The following PIAS4 variants were observed in gnomAD, a reference collection of about 807,000 sequenced individuals.
PIAS4 encodes the protein E3 SUMO-protein ligase PIAS4.
In PIAS4, 7 loss-of-function variants were observed where a neutral mutation model predicts 58.0. The observed-to-expected ratio is 0.12, with a 90% CI of 0.07 to 0.23. The LOEUF (loss-of-function observed/expected upper bound fraction) is 0.23. Ranked by LOEUF, PIAS4 falls within the 10% of genes least tolerant of loss-of-function variation. The pLI, the probability that PIAS4 is intolerant of heterozygous loss-of-function variation, is 1.00. For missense variants in PIAS4, 550 were observed against 709.5 expected (o/e 0.78, Z 2.55); for synonymous variants, 364 against 312.4 (o/e 1.17, Z -1.74).
Position 4,038,960 on chromosome 19 carries a change from C to T in PIAS4, c.*1085C>T, listed in dbSNP as rs1349567238. 6.6e-6 allele frequency: 1 copy of T among 152,474 alleles called. No individual in the cohort carries two copies. Among genetic ancestry groups the T allele is most frequent in the Non-Finnish European group, 1.5e-5 (1 of 68,240 alleles). 9.4% of individuals were successfully genotyped at this position (152,474 alleles called of 1,614,324 possible). A position where few individuals can be genotyped will look rare whatever the true frequency, so the allele number is the denominator to read the frequency against. On this transcript the variant is annotated 3_prime_UTR_variant, in exon 11 of 11. Coordinates refer to ENST00000262971, the MANE Select transcript of PIAS4 (RefSeq NM_015897.4). The surrounding 1 kb of genome is among the most constrained non-coding windows in gnomAD (Gnocchi z 4.1). ...GTCCCCAGGCGTTCCCGGCCCCTCG[C>T]AGGCCCCACCCATGCCCTTGGCCTC...
Position 4,038,280 on chromosome 19 carries a change from ACCCGGGCGGCGGGCGGTGGGGCGCAGC to A in PIAS4, c.*409_*435del, listed in dbSNP as rs2144951575. The A allele has an allele frequency of 6.5e-6, 1 of 153,856 alleles. No homozygotes were observed. The highest frequency in any genetic ancestry group is 2.0e-4 in the East Asian group (1 of 5,062). 9.5% of individuals were successfully genotyped at this position (153,856 alleles called of 1,614,324 possible). On this transcript the variant is annotated 3_prime_UTR_variant, in exon 11 of 11. Coordinates refer to ENST00000262971, the MANE Select transcript of PIAS4 (RefSeq NM_015897.4). The surrounding 1 kb of genome is among the most constrained non-coding windows in gnomAD (Gnocchi z 4.1). ...CGACCATTCCAGCCAGTGCGCGGGGACCCGGGCGGCGGGCGGTGGGGCGCAGCCCCTCTCTGGCGACCACTTTGACGT... is the reference window on the plus strand; with the variant it reads ...CGACCATTCCAGCCAGTGCGCGGGGACCCTCTCTGGCGACCACTTTGACGT...
At chr19:4,015,820 G>T (rs530013715) in intron 2 of PIAS4, among the ~76,000 whole-genome samples, 1 of 152,238 alleles carries the variant, frequency 6.6e-6, no homozygotes, top group South Asian at 2.1e-4. Flanking sequence ...CCCCGGAATA[G>T]CCGCCGGCCG....
At chr19:4,023,765 G>A (rs965290445) in intron 2 of PIAS4, among the ~76,000 whole-genome samples, 65 of 152,194 alleles carry the variant, frequency 4.3e-4, no homozygotes, top group African/African-American at 1.3e-3. Flanking sequence ...CTAAGTAGAC[G>A]CCTGCATCCC....
Position 4,033,275 on chromosome 19 carries a change from G to A in PIAS4, c.981+102G>A, listed in dbSNP as rs1053228203. ...CGGCTTGGCTGGGCCGTGAGCCTGC[G>A]GGGGCGAGGCTGGTCTTCGTCCCCT... On this transcript the variant is annotated intron_variant, in intron 8 of 10. Transcript: ENST00000262971. The A allele has an allele frequency of 5.0e-5, 69 of 1,372,190 alleles. No individual in the cohort carries two copies. In the Admixed American group the frequency reaches 7.1e-4, roughly 14 times the overall value. 85.0% of individuals were successfully genotyped at this position (1,372,190 alleles called of 1,614,324 possible).
intron 7 of PIAS4, among the ~76,000 whole-genome samples, chr19:4,029,756 G>C (rs1485577072): frequency 1.3e-5 from 2 of 149,290 alleles, no homozygotes; most frequent in African/African-American, 4.9e-5. Context: ...CCATCCTCCT[G>C]CCTCAGCCTC....
chr19:4,037,737 G>C lies in PIAS4; in HGVS notation c.1395G>C (p.Val465=). 1 of 1,611,068 alleles carries C rather than the reference G, an allele frequency of 6.2e-7. No homozygotes were observed. Among genetic ancestry groups the C allele is most frequent in the Non-Finnish European group, 8.5e-7 (1 of 1,179,206 alleles). ...SMENGKPGAD[V]VDLTLDSSSS... ...AGAATGGGAAGCCGGGCGCCGATGTGGTGGACCTCACGCTGGACAGCTCAT... is the reference window on the plus strand; with the variant it reads ...AGAATGGGAAGCCGGGCGCCGATGTCGTGGACCTCACGCTGGACAGCTCAT... Residue 465 remains valine (V), a synonymous_variant, in exon 11 of 11, where the codon GTG becomes GTC. Transcript: ENST00000262971. The surrounding 1 kb of genome is among the most constrained non-coding windows in gnomAD (Gnocchi z 5.8).
chr19:4,015,373 G>A (rs2040041898), intron 2 of PIAS4, among the ~76,000 whole-genome samples: 1 of 152,130 alleles, frequency 6.6e-6, no homozygotes, highest in Non-Finnish European at 1.5e-5. Context: ...AGCCACCAGG[G>A]ACCCCGGTCA....
intron 2 of PIAS4, among the ~76,000 whole-genome samples, chr19:4,023,041 C>T (rs1279454543): frequency 2.6e-5 from 4 of 151,112 alleles, no homozygotes; most frequent in African/African-American, 9.7e-5. Flanking sequence ...CGTGGTGGCT[C>T]ATGCCTGTAA....
At chr19:4,033,300 TCC>T in intron 8 of PIAS4, 118 bp from the exon 9 acceptor site, 1 of 1,336,208 alleles carries the variant, frequency 7.5e-7, no homozygotes, top group Non-Finnish European at 1.0e-6. Context: ...CTTCGTCCCC[TCC>T]GTGTTCCTGA....
chr19:4,014,775 C>T (rs2040034395), intron 2 of PIAS4, among the ~76,000 whole-genome samples: 2 of 152,190 alleles, frequency 1.3e-5, no homozygotes, highest in African/African-American at 4.8e-5. Flanking sequence ...CCATTGGGTG[C>T]CAGCTGGCCC....
intron 2 of PIAS4, among the ~76,000 whole-genome samples, chr19:4,019,087 CAG>C (rs1232607516): frequency 8.5e-5 from 13 of 152,260 alleles, no homozygotes; most frequent in South Asian, 6.2e-4. Context: ...GATTTGAAAA[CAG>C]AGCTGACAGG....
Position 4,038,021 on chromosome 19 carries a change from T to A in PIAS4, c.*146T>A. ...ACCCTTTTGCCTGGCTCCTGGCACCTGTACCTCTGGACTCTCCTATCGGGG... is the reference window on the plus strand; with the variant it reads ...ACCCTTTTGCCTGGCTCCTGGCACCAGTACCTCTGGACTCTCCTATCGGGG... On this transcript the variant is annotated 3_prime_UTR_variant, in exon 11 of 11. Transcript: ENST00000262971. The surrounding 1 kb of genome is among the most constrained non-coding windows in gnomAD (Gnocchi z 4.1). The A allele has an allele frequency of 5.3e-6, 4 of 750,670 alleles. No homozygotes were observed. The highest frequency in any genetic ancestry group is 8.5e-6 in the Non-Finnish European group (4 of 469,294). 46.5% of individuals were successfully genotyped at this position (750,670 alleles called of 1,614,324 possible).
chr19:4,010,441 T>C (rs2039981983), intron 1 of PIAS4, among the ~76,000 whole-genome samples: 1 of 152,256 alleles, frequency 6.6e-6, no homozygotes, highest in African/African-American at 2.4e-5. Context: ...CTGCTAAGGC[T>C]TTGGGCCACT....
Position 4,037,637 on chromosome 19 carries a change from T to G in PIAS4, c.1295T>G (p.Leu432Arg), listed in dbSNP as rs1568223543. The G allele has an allele frequency of 6.2e-7, 1 of 1,611,390 alleles. No homozygotes were observed. The highest frequency in any genetic ancestry group is 8.5e-7 in the Non-Finnish European group (1 of 1,179,766). The change falls in exon 11 of 11, where the codon CTC becomes CGC. Residue 432 changes from leucine (L) to arginine (R), a missense_variant. By Grantham distance (102) the Leu-to-Arg change is moderately radical. This residue lies in a region of PIAS4 where 188 missense variants were observed against 192.0 expected (regional missense o/e 0.98). Coordinates refer to ENST00000262971, the MANE Select transcript of PIAS4 (RefSeq NM_015897.4). This position sits in a 1 kb window ranked among gnomAD's most constrained non-coding sequence, Gnocchi z 5.8. ...GTAGGCCCCTCGGACGCCAATGGGC[T>G]CCTGCCCGCCCCCAGCGTCAACGGG... Reference protein sequence around the residue: ...LVLGPSDANGLLPAPSVNGSG... With the variant: ...LVLGPSDANGRLPAPSVNGSG...
At chr19:4,016,080 C>T (rs1421360748) in intron 2 of PIAS4, among the ~76,000 whole-genome samples, 1 of 152,232 alleles carries the variant, frequency 6.6e-6, no homozygotes, top group Non-Finnish European at 1.5e-5. Flanking sequence ...TGCTCCTGAG[C>T]AGAGGCTCTG....
intron 2 of PIAS4, among the ~76,000 whole-genome samples, chr19:4,017,029 C>T (rs1341984186): frequency 6.6e-6 from 1 of 152,148 alleles, no homozygotes; most frequent in Non-Finnish European, 1.5e-5. Context: ...GCCTGCTGCC[C>T]GCCCAGGCCC....
chr19:4,032,655 C>T (rs529968359), intron 7 of PIAS4, among the ~76,000 whole-genome samples: 2 of 152,216 alleles, frequency 1.3e-5, no homozygotes, highest in African/African-American at 2.4e-5. Context: ...GGGCGGCAGC[C>T]GCTTGCTGGC....
chr19:4,026,194 G>A (rs1182248192), intron 3 of PIAS4, among the ~76,000 whole-genome samples: 4 of 145,652 alleles, frequency 2.7e-5, no homozygotes, highest in Admixed American at 6.7e-5. Context: ...GTGCAGTGGC[G>A]TGATGTCGGC....
Position 4,033,407 on chromosome 19 carries a change from C to T in PIAS4, c.982-13C>T, listed in dbSNP as rs374107474. On this transcript the variant is annotated splice_polypyrimidine_tract_variant and intron_variant, in intron 8 of 10. Coordinates refer to ENST00000262971, the MANE Select transcript of PIAS4 (RefSeq NM_015897.4). ...AGGAGGGGTGCCCTGCTCACGCAGC[C>T]CCTCCCCCACAGCTGGTGAAGATGC... 1.2e-5 allele frequency: 19 copies of T among 1,546,628 alleles called. No individual in the cohort carries two copies. The highest frequency in any genetic ancestry group is 8.7e-7 in the Non-Finnish European group (1 of 1,146,400).
Sources: allele counts gnomAD v4.1 joint callset (sites outside exome capture counted in the v4.1 genomes callset), GRCh38; gene constraint gnomAD v4.1.1; regional missense constraint gnomAD v4.1.1; non-coding constraint Gnocchi (gnomAD v3.1); transcripts MANE v1.5; gene names NCBI Gene and HGNC (gene_info 2026-07-23, HGNC 2026-07-21).